The following PLEKHA5 variants were observed in gnomAD, a reference collection of about 807,000 sequenced individuals.
PLEKHA5 encodes pleckstrin homology domain containing A5.
Under a neutral mutation model 181.9 loss-of-function variants are expected in PLEKHA5, and 55 were observed. The observed-to-expected ratio is 0.30, with a 90% confidence interval of 0.24 to 0.38. The LOEUF is 0.38. Ranked by LOEUF, PLEKHA5 falls within the 10% of genes least tolerant of loss-of-function variation. The probability of loss-of-function intolerance (pLI) is 1.00; values close to 1 mark genes in which losing one functional copy is unlikely to be tolerated. For missense variants in PLEKHA5, 1,432 were observed against 1,549.5 expected (o/e 0.92, Z 1.27); for synonymous variants, 535 against 529.4 (o/e 1.01, Z -0.15).
intron 1 of PLEKHA5, 35 bp downstream of exon 1, chr12:19,129,923 G>T (rs746198112): frequency 1.3e-6 from 2 of 1,566,736 alleles, no homozygotes; most frequent in Admixed American, 1.7e-5. Context: ...GGCCCGCGGG[G>T]GCGGGAGGGC....
intron 3 of PLEKHA5, among the ~76,000 whole-genome samples, chr12:19,239,719 C>T (rs2062109216): frequency 6.6e-6 from 1 of 152,140 alleles, no homozygotes; most frequent in African/African-American, 2.4e-5. Flanking sequence ...TTTCTTTGTG[C>T]CCTAGCCAGC....
chr12:19,202,394 A>G (rs1187264118), intron 3 of PLEKHA5, among the ~76,000 whole-genome samples: 2 of 152,112 alleles, frequency 1.3e-5, no homozygotes, highest in African/African-American at 2.4e-5. Context: ...CAAGACTCAT[A>G]AGTTGAAAGG....
chr12:19,175,284 A>G (rs2046916162), intron 3 of PLEKHA5, among the ~76,000 whole-genome samples: 1 of 152,224 alleles, frequency 6.6e-6, no homozygotes, highest in African/African-American at 2.4e-5. Flanking sequence ...ATAGTACAGT[A>G]TTGATATTGA....
At chr12:19,244,079 T>C (rs971787587) in intron 3 of PLEKHA5, among the ~76,000 whole-genome samples, 1 of 152,112 alleles carries the variant, frequency 6.6e-6, no homozygotes, top group Non-Finnish European at 1.5e-5. Flanking sequence ...ATAATAATTT[T>C]TAAATTACTT....
At chr12:19,194,455 A>G (rs530978302) in intron 3 of PLEKHA5, among the ~76,000 whole-genome samples, 1 of 152,236 alleles carries the variant, frequency 6.6e-6, no homozygotes, top group South Asian at 2.1e-4. Context: ...CTTTGGGTAG[A>G]TATCCAGTAG....
At chr12:19,339,580 A>G (rs2093702629) in intron 21 of PLEKHA5, among the ~76,000 whole-genome samples, 1 of 152,198 alleles carries the variant, frequency 6.6e-6, no homozygotes, top group Admixed American at 6.5e-5. Flanking sequence ...TTCTTCCTGT[A>G]AATGCAATTT....
At chr12:19,265,380 C>T (rs532870161) in intron 7 of PLEKHA5, among the ~76,000 whole-genome samples, 9 of 152,260 alleles carry the variant, frequency 5.9e-5, no homozygotes, top group Admixed American at 3.9e-4. Context: ...TCAAGGAAGG[C>T]CTCATTGATG....
At chr12:19,271,036 A>G (rs1369881010) in intron 10 of PLEKHA5, among the ~76,000 whole-genome samples, 1 of 152,260 alleles carries the variant, frequency 6.6e-6, no homozygotes, top group Admixed American at 6.5e-5. Flanking sequence ...GGTCTAGGAT[A>G]TAGCTCTAGG....
At position 19,283,718 on chromosome 12, in the gene PLEKHA5, C is replaced by T. The variant is rs191144670; in HGVS notation, c.1752C>T (p.Asp584=). The T allele has an allele frequency of 3.1e-6, 5 of 1,613,416 alleles. No individual in the cohort carries two copies. In the Admixed American group the frequency reaches 8.3e-5, roughly 27 times the overall value. ...SPIQRGDVTI[D]RRHRAHHPKH... ...TTCAGAGAGGAGATGTGACAATAGA[C>T]CGCAGACACAGGGCCCATCACCCTA... Residue 584 remains aspartate, a synonymous_variant, in exon 12 of 32, where the codon GAC becomes GAT. Transcript: ENST00000429027.
intron 8 of PLEKHA5, among the ~76,000 whole-genome samples, chr12:19,269,395 G>GAAA (rs66531923): frequency 1.0e-4 from 11 of 105,850 alleles, no homozygotes; most frequent in African/African-American, 3.0e-4. Flanking sequence ...TCAAAAAAAA[G>GAAA]AAAAAAAAAA....
intron 3 of PLEKHA5, among the ~76,000 whole-genome samples, chr12:19,235,816 T>C: frequency 6.6e-6 from 1 of 152,204 alleles, no homozygotes; most frequent in Non-Finnish European, 1.5e-5. Context: ...GCAATGGCTT[T>C]CTTGCAAAGA....
chr12:19,304,619 A>T (rs1214903772), intron 15 of PLEKHA5, among the ~76,000 whole-genome samples: 1 of 152,184 alleles, frequency 6.6e-6, no homozygotes, highest in Admixed American at 6.5e-5. Flanking sequence ...CTCAGAACTG[A>T]CAGTAAATCT....
chr12:19,174,258 C>T (rs7302739), intron 3 of PLEKHA5, among the ~76,000 whole-genome samples: 11,126 of 152,134 alleles, frequency 0.073, 443 homozygotes, highest in Middle Eastern at 0.11. Context: ...AAATAGGTTT[C>T]GTTTTTTGTT....
At chr12:19,275,462 G>T (rs1351798389) in intron 11 of PLEKHA5, among the ~76,000 whole-genome samples, 1 of 152,112 alleles carries the variant, frequency 6.6e-6, no homozygotes, top group Non-Finnish European at 1.5e-5. Flanking sequence ...AAATCAGAAT[G>T]CACATAACTA....
At chr12:19,309,976 TA>T (rs2152978870) in intron 15 of PLEKHA5, among the ~76,000 whole-genome samples, 1 of 152,278 alleles carries the variant, frequency 6.6e-6, no homozygotes, top group South Asian at 2.1e-4. Flanking sequence ...ACTTTGATAA[TA>T]AAACCCTTTA....
chr12:19,232,088 G>A (rs2060716665), intron 3 of PLEKHA5, among the ~76,000 whole-genome samples: 2 of 152,126 alleles, frequency 1.3e-5, no homozygotes, highest in African/African-American at 4.8e-5. Context: ...CTGCTTTTTA[G>A]ATTGTATTTC....
chr12:19,368,468 C>A (rs1378400128), intron 30 of PLEKHA5, among the ~76,000 whole-genome samples: 1 of 151,642 alleles, frequency 6.6e-6, no homozygotes, highest in African/African-American at 2.4e-5. Context: ...TGCTTTCCAG[C>A]CTGAGCAACA....
At chr12:19,147,539 A>G (rs1195217831) in intron 3 of PLEKHA5, among the ~76,000 whole-genome samples, 1 of 152,120 alleles carries the variant, frequency 6.6e-6, no homozygotes, top group African/African-American at 2.4e-5. Context: ...ATGAAAAGAC[A>G]ACTTTGAATG....
rs1455583976 is a variant in PLEKHA5, at chr12:19,354,343, C to T, written c.3138+341C>T. On this transcript the variant is annotated intron_variant, in intron 26 of 31. Transcript: ENST00000429027. ...ATTTTTTTTGTATTTTTAGTAGAGA[C>T]GGGGTTTCACCGTGTTAGCCAGGAT... Among the ~76,000 whole-genome samples the T allele has an allele frequency of 2.7e-5, 4 of 146,010 alleles. No individual in the cohort carries two copies. In the East Asian group the frequency reaches 6.0e-4, roughly 22 times the overall value.
Sources: allele counts gnomAD v4.1 joint callset (sites outside exome capture counted in the v4.1 genomes callset), GRCh38; gene constraint gnomAD v4.1.1; transcripts MANE v1.5; gene names NCBI Gene and HGNC (gene_info 2026-07-23, HGNC 2026-07-21).